The following DGKZ variants were observed in gnomAD, a reference collection of about 807,000 sequenced individuals.
DGKZ encodes the protein diacylglycerol kinase zeta.
In DGKZ, 45 loss-of-function variants were observed where a neutral mutation model predicts 142.5. That is an observed-to-expected ratio of 0.32 (90% confidence interval 0.25 to 0.40). The LOEUF (loss-of-function observed/expected upper bound fraction) is 0.40, where lower values mean the gene tolerates loss of function less well. DGKZ is among the 10% of genes least tolerant of loss of function. The pLI is 1.00. For missense variants in DGKZ, 755 were observed against 1,306.5 expected, an observed-to-expected ratio of 0.58 and a Z score of 6.51; for synonymous variants, 442 against 527.0, an observed-to-expected ratio of 0.84 and a Z score of 2.21.
chr11:46,372,972 T>A lies in DGKZ; in HGVS notation c.1197T>A (p.Asp399Glu). ...GCCTGCTCCCCCAGGGCTACACAGA[T>A]GAGCCTGTGTCCAAGATCCTCTCCC... is the stretch of plus-strand genomic sequence containing the variant. The change falls in exon 14 of 31, where the codon GAT becomes GAA. Residue 399 changes from aspartate to glutamate, a missense_variant. Asp to Glu is a conservative substitution (Grantham distance 45). Transcript: ENST00000527911. This position sits in a 1 kb window ranked among gnomAD's most constrained non-coding sequence, Gnocchi z 5.9. 6.5e-7 allele frequency: 1 copy of A among 1,543,132 alleles called. No individual in the cohort carries two copies. The highest frequency in any genetic ancestry group is 8.8e-7 in the Non-Finnish European group (1 of 1,140,946).
At chr11:46,354,553 G>A (rs1941781584) in intron 1 of DGKZ, among the ~76,000 whole-genome samples, 3 of 152,146 alleles carry the variant, frequency 2.0e-5, no homozygotes, top group Admixed American at 6.5e-5. Context: ...AAATATCTTG[G>A]CGTTAGAAAA....
downstream of DGKZ, chr11:46,380,364 G>C: frequency 6.3e-6 from 1 of 159,328 alleles, no homozygotes; most frequent in South Asian, 1.7e-4. Flanking sequence ...CACCTCCTCC[G>C]GGCTTCCTCC....
At chr11:46,364,746 A>C in intron 1 of DGKZ, 5 of 985,430 alleles carry the variant, frequency 5.1e-6, no homozygotes, top group Non-Finnish European at 6.0e-6. Context: ...CCAGCCCTTC[A>C]TCTTTGCCTT....
At chr11:46,347,462 C>T (rs1212949508), upstream of DGKZ, 11 of 982,072 alleles carry the variant, frequency 1.1e-5, no homozygotes, top group Non-Finnish European at 1.2e-5. This position sits in a 1 kb window ranked among gnomAD's most constrained non-coding sequence, Gnocchi z 6.4. Flanking sequence ...CCGCGGCTGG[C>T]GGCACTTCCT....
At chr11:46,365,742 T>G in intron 1 of DGKZ, 2 of 985,432 alleles carry the variant, frequency 2.0e-6, no homozygotes, top group Non-Finnish European at 2.4e-6. Context: ...ACACCTAACC[T>G]GCCCCCACCA....
In DGKZ at chr11:46,375,835, C is replaced by T. The variant is rs370921130; in HGVS notation, c.1911-16C>T. ...GGGCCCTTGCTGAGCCCCCGCTTGC[C>T]GGCCCTGCCCGACAGCCAGCAGCCG... On this transcript the variant is annotated splice_polypyrimidine_tract_variant and intron_variant, in intron 20 of 30. Coordinates refer to ENST00000527911, the Ensembl canonical transcript of DGKZ. 18 of 1,551,350 alleles carry T rather than the reference C, an allele frequency of 1.2e-5. No individual in the cohort carries two copies. Among genetic ancestry groups the T allele is most frequent in the Admixed American group, 3.9e-5 (2 of 51,200 alleles).
At position 46,367,331 on chromosome 11, in the gene DGKZ, C is replaced by G. The variant is rs147007748; in HGVS notation, c.202C>G (p.Pro68Ala). 166 of 1,612,916 alleles carry G rather than the reference C, an allele frequency of 1.0e-4. No homozygotes were observed. In the African/African-American group the frequency reaches 1.8e-3, roughly 17 times the overall value. Residue 68 changes from proline (P) to alanine (A), a missense_variant, in exon 2 of 31, where the codon CCT becomes GCT. Pro to Ala is a conservative substitution (Grantham distance 27). Transcript: ENST00000527911. The surrounding 1 kb of genome is among the most constrained non-coding windows in gnomAD (Gnocchi z 4.1). ...GTCGGGCCTCCAGCACCTGGCCCCC[C>G]CTCCGCCCACCCCTGGGGCCCCGTG...
At chr11:46,336,326 AG>A (rs1940013565) in intron 1 of DGKZ, among the ~76,000 whole-genome samples, 1 of 152,208 alleles carries the variant, frequency 6.6e-6, no homozygotes, top group African/African-American at 2.4e-5. Context: ...CTGGAAAGGC[AG>A]GGGAGGGGGG....
At chr11:46,373,642 C>T (rs560272540) in intron 14 of DGKZ, among the ~76,000 whole-genome samples, 4 of 151,982 alleles carry the variant, frequency 2.6e-5, no homozygotes, top group Non-Finnish European at 5.9e-5. Flanking sequence ...GGACTACAGG[C>T]ACCCGCCACC....
Position 46,379,386 on chromosome 11 carries a change from C to T in DGKZ, c.2574-68C>T. On this transcript the variant is annotated intron_variant, in intron 29 of 30. Transcript: ENST00000527911. Reference sequence around the variant, plus strand: ...CTATTGCCCCAGAGCCCTGAACTTCCTGCCCTTTCTGATGGCCCTTGGGAG... The same window carrying T: ...CTATTGCCCCAGAGCCCTGAACTTCTTGCCCTTTCTGATGGCCCTTGGGAG... The T allele has an allele frequency of 1.9e-6, 3 of 1,570,656 alleles. No individual in the cohort carries two copies. In the South Asian group the frequency reaches 3.5e-5, roughly 18 times the overall value.
intron 1 of DGKZ, chr11:46,366,607 TGAG>T (rs773555696): frequency 6.2e-7 from 1 of 1,608,044 alleles, no homozygotes; most frequent in African/African-American, 1.3e-5. Context: ...TGGGCATGAA[TGAG>T]GAGGAGGGTG....
intron 6 of DGKZ, among the ~76,000 whole-genome samples, 156 bp from the exon 7 acceptor site, chr11:46,371,157 G>A (rs934033082): frequency 6.6e-6 from 1 of 152,140 alleles, no homozygotes; most frequent in East Asian, 1.9e-4. Flanking sequence ...TTACTTGGGG[G>A]GGCTGAGGCA....
intron 25 of DGKZ, chr11:46,377,794 G>A (rs764413350): frequency 6.9e-6 from 2 of 290,452 alleles, no homozygotes; most frequent in Non-Finnish European, 1.3e-5. Flanking sequence ...CTGGACTTCT[G>A]TCATCGCTGC....
upstream of DGKZ, among the ~76,000 whole-genome samples, chr11:46,342,613 A>T (rs1392453449): frequency 2.8e-5 from 4 of 143,228 alleles, no homozygotes; most frequent in Non-Finnish European, 6.0e-5. Flanking sequence ...ATCTTGAGGC[A>T]TTCAGAGATA....
chr11:46,378,520 G>A lies in DGKZ; in HGVS notation c.2418+20G>A. ...TGTAAGGTACTAGCTCCAGGCTCCA[G>A]TTCCTTCCCCCAGCAGCTCCCTCGG... On this transcript the variant is annotated intron_variant, in intron 27 of 30. Coordinates refer to ENST00000527911, the Ensembl canonical transcript of DGKZ. 1 of 1,613,094 alleles carries A rather than the reference G, an allele frequency of 6.2e-7. No homozygotes were observed.
At chr11:46,333,915 A>C (rs1269463061) in intron 1 of DGKZ, among the ~76,000 whole-genome samples, 1 of 152,062 alleles carries the variant, frequency 6.6e-6, no homozygotes, top group Non-Finnish European at 1.5e-5. Context: ...AATGACTGAG[A>C]GGCTCCCTGC....
rs903318860 is a variant in DGKZ, at chr11:46,366,725, C to G, written c.162-566C>G. On this transcript the variant is annotated intron_variant, in intron 1 of 30. Transcript: ENST00000527911. ...CGCCCAGCCGCTGTTGCCCCTACCC[C>G]GCTACCTGCGCCGAGCCTCCTCCCA... is the stretch of plus-strand genomic sequence containing the variant. 79 of 1,553,768 alleles carry G rather than the reference C, an allele frequency of 5.1e-5. No individual in the cohort carries two copies. Among genetic ancestry groups the G allele is most frequent in the Non-Finnish European group, 6.3e-5 (73 of 1,149,994 alleles).
intron 1 of DGKZ, among the ~76,000 whole-genome samples, chr11:46,348,462 C>A (rs1940949386): frequency 6.6e-6 from 1 of 152,312 alleles, no homozygotes; most frequent in Admixed American, 6.5e-5. Flanking sequence ...CAGAGAGACC[C>A]CAGCCCATCC....
chr11:46,376,702 T>G, intron 24 of DGKZ, 138 bp downstream of exon 24: 1 of 1,200,122 alleles, frequency 8.3e-7, no homozygotes, highest in East Asian at 2.4e-5. Flanking sequence ...CTATTGCCTG[T>G]GTGCATGGAC....
Sources: allele counts gnomAD v4.1 joint callset (sites outside exome capture counted in the v4.1 genomes callset), GRCh38; gene constraint gnomAD v4.1.1; non-coding constraint Gnocchi (gnomAD v3.1); transcripts MANE v1.5; gene names NCBI Gene and HGNC (gene_info 2026-07-23, HGNC 2026-07-21).